The following ITGB2 variants were observed in gnomAD, a reference collection of about 807,000 sequenced individuals.
ITGB2 encodes the protein integrin subunit beta 2, also known as integrin beta-2.
Under a neutral mutation model 86.8 loss-of-function variants are expected in ITGB2, and 56 were observed. The observed-to-expected ratio is 0.65, with a 90% CI of 0.52 to 0.81. ITGB2 has a LOEUF of 0.81. Ranked by LOEUF, ITGB2 falls within the 30% of genes least tolerant of loss-of-function variation. The pLI is 0.00. For synonymous variants in ITGB2, 457 were observed against 450.4 expected (o/e 1.01, Z -0.19); for missense variants, 948 against 1,061.2 (o/e 0.89, Z 1.48).
intron 4 of ITGB2, among the ~76,000 whole-genome samples, chr21:44,905,331 C>T (rs2084027009): frequency 6.6e-6 from 1 of 152,172 alleles, no homozygotes; most frequent in Non-Finnish European, 1.5e-5. Flanking sequence ...CTGCATCCAC[C>T]CGAGCTCACC....
chr21:44,919,237 G>A (rs900318281), intron 1 of ITGB2, among the ~76,000 whole-genome samples: 2 of 152,184 alleles, frequency 1.3e-5, no homozygotes, highest in Non-Finnish European at 2.9e-5. Flanking sequence ...GCGGGGACTG[G>A]CCCTGGGGCC....
At chr21:44,886,544 TG>T in intron 15 of ITGB2, 114 bp from the exon 16 acceptor site, 1 of 1,414,098 alleles carries the variant, frequency 7.1e-7, no homozygotes, top group Non-Finnish European at 1.0e-6. Flanking sequence ...GAGCTAGACG[TG>T]GGGCAGCCCC....
chr21:44,918,915 G>T (rs1323141293), intron 1 of ITGB2, among the ~76,000 whole-genome samples: 2 of 46,260 alleles, frequency 4.3e-5, no homozygotes, highest in Non-Finnish European at 7.3e-5. Context: ...CTCCCTTGAG[G>T]CAAAGGCCCT....
rs2083995288 is a variant in ITGB2 at position 44,903,423 on chromosome 21, C to G, written c.441G>C (p.Lys147Asn). ...CCCGGAGCAGGTCGCCACCTAGCTT[C>G]TTGACATTCCTGAGGTCATCAAGCA... ...YSMLDDLRNV[K>N]KLGGDLLRAL... Residue 147 changes from lysine to asparagine, a missense_variant, in exon 5 of 16, where the codon AAG becomes AAC. Coordinates refer to ENST00000652462, the MANE Select transcript of ITGB2 (RefSeq NM_000211.5). 1 of 1,613,998 alleles carries G rather than the reference C, an allele frequency of 6.2e-7. No individual in the cohort carries two copies. The highest frequency in any genetic ancestry group is 1.3e-5 in the African/African-American group (1 of 74,910).
Position 44,903,878 on chromosome 21 carries a change from A to G in ITGB2, c.329-343T>C, listed in dbSNP as rs2084003437. The stretch of plus-strand genomic sequence containing the variant: ...CTGGGCTCACACCTAACCCGGCCCC[A>G]TGCCTGCAGTCCCACGGGCGCCCTC... On this transcript the variant is annotated intron_variant, in intron 4 of 15. Coordinates refer to ENST00000652462, the MANE Select transcript of ITGB2 (RefSeq NM_000211.5). 2.0e-5 allele frequency among the ~76,000 whole-genome samples: 3 copies of G among 152,230 alleles called. No homozygotes were observed. In the South Asian group the frequency reaches 6.2e-4, roughly 32 times the overall value.
intron 10 of ITGB2, 149 bp downstream of exon 10, chr21:44,893,255 C>A: frequency 2.3e-6 from 2 of 884,908 alleles, no homozygotes; most frequent in Non-Finnish European, 3.6e-6. Flanking sequence ...CCCCTCCCTG[C>A]CCCCGTCAGA....
intron 10 of ITGB2, among the ~76,000 whole-genome samples, chr21:44,892,458 A>G (rs1168497412): frequency 6.6e-6 from 1 of 152,218 alleles, no homozygotes; most frequent in Non-Finnish European, 1.5e-5. Context: ...TGTCTCTACT[A>G]AAAATACAAA....
chr21:44,911,102 G>C, intron 1 of ITGB2: 3 of 480,736 alleles, frequency 6.2e-6, no homozygotes, highest in Non-Finnish European at 1.2e-5. Context: ...ACACATGCAC[G>C]TGTACGTGCA....
intron 3 of ITGB2, chr21:44,908,114 A>G (rs775560732): frequency 5.5e-6 from 4 of 725,832 alleles, no homozygotes; most frequent in Non-Finnish European, 1.0e-5. Flanking sequence ...GACAGACGGG[A>G]GCCACCCGGC....
Position 44,895,027 on chromosome 21 carries a change from C to G in ITGB2, c.1027G>C (p.Gly343Arg), listed in dbSNP as rs746646014. ...TTGCTGGAGTCCTCAGACAGCTCCCCCACGGCTGACTTGGGGATGATCTCG... is the reference window on the plus strand; with the variant it reads ...TTGCTGGAGTCCTCAGACAGCTCCCGCACGGCTGACTTGGGGATGATCTCG... ...LTEIIPKSAVGELSEDSSNVV... is the reference protein window; with the variant it reads ...LTEIIPKSAVRELSEDSSNVV... The change falls in exon 9 of 16, where the codon GGG (glycine) becomes CGG (arginine). Residue 343 changes from glycine (G) to arginine (R), a missense_variant. By Grantham distance (125) the Gly-to-Arg change is moderately radical. Transcript: ENST00000652462. 3 of 1,613,684 alleles carry G rather than the reference C, an allele frequency of 1.9e-6. No homozygotes were observed. The highest frequency in any genetic ancestry group is 4.5e-5 in the East Asian group (2 of 44,850).
chr21:44,911,882 A>AG (rs2084139465), intron 1 of ITGB2, among the ~76,000 whole-genome samples: 1 of 152,074 alleles, frequency 6.6e-6, no homozygotes, highest in Admixed American at 6.5e-5. Context: ...AACCAGGCCT[A>AG]GGTCGGCTCC....
intron 9 of ITGB2, 26 bp downstream of exon 9, chr21:44,894,945 C>A: frequency 6.6e-7 from 1 of 1,504,810 alleles, no homozygotes. Context: ...CCCATGGGTC[C>A]CAGCTGAGTG....
At position 44,888,738 on chromosome 21, in the gene ITGB2, G is replaced by C. The variant is rs1025458254; in HGVS notation, c.2035C>G (p.Gln679Glu). The change falls in exon 14 of 16, where the codon CAG (glutamine) becomes GAG (glutamate). Residue 679 changes from glutamine to glutamate, a missense_variant. Gln to Glu is a conservative substitution (Grantham distance 29, BLOSUM62 2). Coordinates refer to ENST00000652462, the MANE Select transcript of ITGB2 (RefSeq NM_000211.5). The part of the protein sequence containing the change: ...GCWVAYTLEQ[Q>E]DGMDRYLIYV... ...ATGAGGTAGCGGTCCATCCCGTCCT[G>C]CTGCTCCAGCGTGTAGGCCACCCAG... 1 of 1,611,272 alleles carries C rather than the reference G, an allele frequency of 6.2e-7. No homozygotes were observed. Among genetic ancestry groups the C allele is most frequent in the Non-Finnish European group, 8.5e-7 (1 of 1,179,958 alleles).
At chr21:44,916,844 G>C (rs1184408042) in intron 1 of ITGB2, among the ~76,000 whole-genome samples, 1 of 150,882 alleles carries the variant, frequency 6.6e-6, no homozygotes, top group Non-Finnish European at 1.5e-5. Context: ...CTCCAGCCTG[G>C]GCAACAAGAG....
chr21:44,903,933 G>A (rs1001135624), intron 4 of ITGB2, among the ~76,000 whole-genome samples: 1 of 152,114 alleles, frequency 6.6e-6, no homozygotes, highest in African/African-American at 2.4e-5. Flanking sequence ...GGCATCACAC[G>A]AACCTGGCAC....
chr21:44,906,510 C>T (rs2084044885), intron 4 of ITGB2, among the ~76,000 whole-genome samples: 1 of 152,130 alleles, frequency 6.6e-6, no homozygotes, highest in South Asian at 2.1e-4. Flanking sequence ...TCAGTTTGGG[C>T]AACACTGGTT....
intron 6 of ITGB2, among the ~76,000 whole-genome samples, chr21:44,900,760 A>G (rs773088255): frequency 3.1e-4 from 47 of 152,206 alleles, no homozygotes; most frequent in Non-Finnish European, 5.3e-4. Context: ...CAGAGCTGGG[A>G]ACAAACCCTC....
intron 1 of ITGB2, among the ~76,000 whole-genome samples, chr21:44,913,463 A>G (rs2084161619): frequency 6.6e-6 from 1 of 152,096 alleles, no homozygotes; most frequent in African/African-American, 2.4e-5. Flanking sequence ...TGGCTCAGAG[A>G]CCACGGCACC....
intron 9 of ITGB2, chr21:44,894,648 G>C (rs959675495): frequency 4.9e-6 from 2 of 405,012 alleles, no homozygotes; most frequent in Non-Finnish European, 9.4e-6. Context: ...TCCTGCCCCA[G>C]CTGCACTGTT....
Sources: gnomAD v4.1 joint callset for allele counts (sites outside exome capture counted in the v4.1 genomes callset) on GRCh38, gnomAD v4.1.1 for gene constraint, MANE v1.5 for transcripts, NCBI Gene and HGNC (gene_info 2026-07-23, HGNC 2026-07-21) for gene names.